DLGAP4: variants seen among roughly 807,000 people sequenced by gnomAD.
DLGAP4 encodes disks large-associated protein 4.
DLGAP4 carries 18 observed loss-of-function variants against 86.9 expected under a neutral mutation model. That is an observed-to-expected ratio of 0.21 (90% CI 0.14 to 0.31). The LOEUF (loss-of-function observed/expected upper bound fraction) is 0.31, where lower values mean the gene tolerates loss of function less well. Ranked by LOEUF, DLGAP4 falls within the 10% of genes least tolerant of loss-of-function variation. The pLI is 1.00. For synonymous variants in DLGAP4, 548 were observed against 574.3 expected (o/e 0.95, Z 0.65); for missense variants, 1,085 against 1,362.6 (o/e 0.80, Z 3.21).
intron 1 of DLGAP4, among the ~76,000 whole-genome samples, chr20:36,354,776 A>G (rs2082150189): frequency 6.6e-6 from 1 of 152,112 alleles, no homozygotes; most frequent in Non-Finnish European, 1.5e-5. Flanking sequence ...TAAAAATGAA[A>G]AAAGAAAAGA....
At chr20:36,415,357 T>C (rs1287419698) in intron 2 of DLGAP4, among the ~76,000 whole-genome samples, 1 of 152,038 alleles carries the variant, frequency 6.6e-6, no homozygotes, top group Non-Finnish European at 1.5e-5. Flanking sequence ...GGGTACAAAT[T>C]GCAGCTGCCA....
At chr20:36,472,011 G>C (rs1385558826) in intron 7 of DLGAP4, among the ~76,000 whole-genome samples, 2 of 152,180 alleles carry the variant, frequency 1.3e-5, no homozygotes, top group Non-Finnish European at 2.9e-5. Context: ...AGATCCGAGA[G>C]AGGTGGTCAG....
intron 6 of DLGAP4, among the ~76,000 whole-genome samples, chr20:36,445,458 C>G (rs976231919): frequency 6.6e-6 from 1 of 152,130 alleles, no homozygotes; most frequent in African/African-American, 2.4e-5. Flanking sequence ...GAGCCGAGAT[C>G]GCGCCACTGC....
Position 36,446,795 on chromosome 20 carries a change from G to A in DLGAP4, c.1506G>A (p.Leu502=), listed in dbSNP as rs1038811155. The A allele has an allele frequency of 1.9e-6, 3 of 1,612,508 alleles. No homozygotes were observed. In the African/African-American group the frequency reaches 4.0e-5, roughly 22 times the overall value. ...STAAETLDLP[L]PSYFRSRSHS... is the part of the protein sequence containing the mutation. ...CGGCAGAGACGCTTGACTTGCCACT[G>A]CCCAGCTACTTCCGCTCCCGCAGCC... The change falls in exon 7 of 13, where the codon CTG becomes CTA. Residue 502 remains leucine, a synonymous_variant. Transcript: ENST00000339266.
Position 36,337,767 on chromosome 20 carries a change from C to T in DLGAP4, c.-303-29278C>T, listed in dbSNP as rs114364079. On this transcript the variant is annotated intron_variant, in intron 1 of 12. Transcript: ENST00000339266. ...CCATGGCATTGTGCCCTTTCTGCCT[C>T]TTCTGGTGGGAGAAGGCCTAGGCTG... 4.9e-3 allele frequency among the ~76,000 whole-genome samples: 741 copies of T among 152,332 alleles called. 8 individuals carry two copies. Among genetic ancestry groups the T allele is most frequent in the African/African-American group, 0.017 (720 of 41,558 alleles).
At chr20:36,416,941 T>C (rs577585412) in intron 2 of DLGAP4, among the ~76,000 whole-genome samples, 5 of 152,286 alleles carry the variant, frequency 3.3e-5, no homozygotes, top group African/African-American at 1.2e-4. Flanking sequence ...CAAGTGTTGA[T>C]TGTGCACCTA....
intron 1 of DLGAP4, among the ~76,000 whole-genome samples, chr20:36,331,822 G>A (rs1005210433): frequency 3.9e-5 from 6 of 152,190 alleles, no homozygotes; most frequent in South Asian, 2.1e-4. Context: ...GTCAGGGAGG[G>A]CCTCTCTGGG....
intron 2 of DLGAP4, among the ~76,000 whole-genome samples, chr20:36,374,629 G>A (rs1231834539): frequency 6.6e-6 from 1 of 152,214 alleles, no homozygotes; most frequent in South Asian, 2.1e-4. Context: ...TTAGATCAAG[G>A]CCCCACATGG....
At position 36,373,919 on chromosome 20, in the gene DLGAP4, C is replaced by A. The variant is rs368413879; in HGVS notation, c.-73+6644C>A. On this transcript the variant is annotated intron_variant, in intron 2 of 12. Transcript: ENST00000339266. ...CAGTGTGGTGGCCAGCGCCTGTAAT[C>A]CCAGCCACTCGGGTGACTAAGGTGG... Among the ~76,000 whole-genome samples the A allele has an allele frequency of 1.8e-4, 27 of 151,932 alleles. No homozygotes were observed. The East Asian group carries it at 3.3e-3, about 19-fold the overall frequency.
intron 1 of DLGAP4, among the ~76,000 whole-genome samples, chr20:36,356,183 T>G (rs1286017987): frequency 1.3e-5 from 2 of 152,274 alleles, no homozygotes; most frequent in Admixed American, 1.3e-4. Flanking sequence ...AGGACAGGGC[T>G]AAGAAGCTTG....
intron 1 of DLGAP4, among the ~76,000 whole-genome samples, chr20:36,310,397 C>G (rs940706177): frequency 9.2e-5 from 14 of 152,116 alleles, no homozygotes; most frequent in African/African-American, 2.9e-4. Context: ...CAGTCATGGT[C>G]GGCATCCACT....
intron 7 of DLGAP4, among the ~76,000 whole-genome samples, chr20:36,458,079 T>G (rs1600558933): frequency 6.6e-6 from 1 of 150,668 alleles, no homozygotes; most frequent in African/African-American, 2.4e-5. Flanking sequence ...TGGTAAGAGG[T>G]GAGGTTCGAG....
At chr20:36,365,102 A>G (rs531957672) in intron 1 of DLGAP4, among the ~76,000 whole-genome samples, 1 of 152,306 alleles carries the variant, frequency 6.6e-6, no homozygotes, top group African/African-American at 2.4e-5. Context: ...CTCAAAAAAT[A>G]AAAAAGAAGA....
At chr20:36,424,235 G>A (rs1317930916) in intron 2 of DLGAP4, among the ~76,000 whole-genome samples, 3 of 152,210 alleles carry the variant, frequency 2.0e-5, no homozygotes, top group Admixed American at 6.5e-5. Context: ...AGGCCTCAGC[G>A]AATCCCATAG....
chr20:36,319,069 G>A (rs1285542439), intron 1 of DLGAP4, among the ~76,000 whole-genome samples: 1 of 151,910 alleles, frequency 6.6e-6, no homozygotes, highest in Non-Finnish European at 1.5e-5. Flanking sequence ...CTTGAACCTG[G>A]GAGGTGGAGG....
chr20:36,341,010 C>T (rs572904188), intron 1 of DLGAP4, among the ~76,000 whole-genome samples: 4 of 152,330 alleles, frequency 2.6e-5, no homozygotes, highest in Admixed American at 2.6e-4. Context: ...ACTGGGCCTG[C>T]TCCAGGCGGT....
chr20:36,398,118 A>G (rs996658405), intron 2 of DLGAP4, among the ~76,000 whole-genome samples: 1 of 152,222 alleles, frequency 6.6e-6, no homozygotes, highest in African/African-American at 2.4e-5. Flanking sequence ...AACTTTGCCA[A>G]TTTTTGTAAA....
At chr20:36,332,309 C>G (rs2065277023) in intron 1 of DLGAP4, among the ~76,000 whole-genome samples, 1 of 152,270 alleles carries the variant, frequency 6.6e-6, no homozygotes, top group South Asian at 2.1e-4. Flanking sequence ...CCACGGCCCC[C>G]CTCCTTTCCT....
intron 7 of DLGAP4, among the ~76,000 whole-genome samples, chr20:36,455,967 C>T (rs1034248328): frequency 5.9e-5 from 9 of 152,128 alleles, no homozygotes; most frequent in Non-Finnish European, 8.8e-5. Context: ...ACTCAAAGAC[C>T]ATCATGTCCG....
Sources: allele counts gnomAD v4.1 joint callset (sites outside exome capture counted in the v4.1 genomes callset), GRCh38; gene constraint gnomAD v4.1.1; transcripts MANE v1.5; gene names NCBI Gene and HGNC (gene_info 2026-07-23, HGNC 2026-07-21).